Variants in FREM1 observed in about 807,000 individuals in gnomAD.
The protein encoded by FREM1 is FRAS1-related extracellular matrix protein 1.
A neutral mutation model predicts 210.1 loss-of-function variants in FREM1; 220 were observed. The observed-to-expected ratio is 1.05, with a 90% confidence interval of 0.94 to 1.17. FREM1 has a LOEUF of 1.17. Ranked by LOEUF, FREM1 falls within the 50% of genes most tolerant of loss-of-function variation. FREM1 has a pLI of 0.00. For synonymous variants in FREM1, 1,189 were observed against 980.2 expected (o/e 1.21, Z -3.98); for missense variants, 3,454 against 2,675.5 (o/e 1.29, Z -6.42).
At chr9:14,871,897 T>C (rs377372306) in intron 1 of FREM1, among the ~76,000 whole-genome samples, 1 of 152,158 alleles carries the variant, frequency 6.6e-6, no homozygotes, top group Non-Finnish European at 1.5e-5. Flanking sequence ...GCCAGTTTTC[T>C]CAGCACCATT....
chr9:14,794,675 A>G (rs1852019175), intron 21 of FREM1, among the ~76,000 whole-genome samples: 2 of 152,192 alleles, frequency 1.3e-5, no homozygotes, highest in Admixed American at 1.3e-4. Flanking sequence ...CGGGAAAGCC[A>G]AGAGTAACTT....
chr9:14,853,527 A>G (rs1306991297), intron 5 of FREM1, among the ~76,000 whole-genome samples: 4 of 152,220 alleles, frequency 2.6e-5, no homozygotes. Context: ...ACAAAGATGC[A>G]GCTTGAGACA....
At chr9:14,739,463 T>TATATATATATATATATATAAAATTC (rs58425457) in intron 36 of FREM1, among the ~76,000 whole-genome samples, 3 of 138,326 alleles carry the variant, frequency 2.2e-5, no homozygotes, top group African/African-American at 8.0e-5. Context: ...TATATATATA[T>TATATATATATATATATATAAAATTC]ATATATATAT....
At chr9:14,858,035 A>G (rs1469981442) in intron 4 of FREM1, among the ~76,000 whole-genome samples, 2 of 152,206 alleles carry the variant, frequency 1.3e-5, no homozygotes, top group Non-Finnish European at 2.9e-5. Context: ...TCTCTGACAA[A>G]TAGACCAGTG....
intron 22 of FREM1, among the ~76,000 whole-genome samples, chr9:14,791,816 A>AATGGT (rs1851374608): frequency 8.9e-6 from 1 of 112,802 alleles, no homozygotes; most frequent in African/African-American, 3.3e-5. Context: ...ATACTCAGAT[A>AATGGT]ATGGTTTGTT....
At chr9:14,765,169 G>C (rs1392321134) in intron 27 of FREM1, among the ~76,000 whole-genome samples, 3 of 152,158 alleles carry the variant, frequency 2.0e-5, no homozygotes, top group Non-Finnish European at 2.9e-5. Context: ...ATTTTTTCAA[G>C]TATCCAATCT....
chr9:14,764,566 T>G (rs1314545407), intron 27 of FREM1, among the ~76,000 whole-genome samples: 5 of 152,208 alleles, frequency 3.3e-5, no homozygotes, highest in African/African-American at 1.2e-4. Context: ...AAGGCATGCG[T>G]GTAATTCTTA....
chr9:14,774,421 GA>G (rs1417440498), intron 25 of FREM1, among the ~76,000 whole-genome samples: 1 of 152,006 alleles, frequency 6.6e-6, no homozygotes, highest in Non-Finnish European at 1.5e-5. Context: ...AACTCCTGCT[GA>G]AATTTGTAGC....
At position 14,903,049 on chromosome 9, in the gene FREM1, G is replaced by C. The variant is rs376359331; in HGVS notation, c.-268+6865C>G. ...CTTCTCTCACTGATAAATCACCCTC[G>C]AGTGACATTTTAATCACCAATCAGC... On this transcript the variant is annotated intron_variant, in intron 1 of 36. Transcript: ENST00000380880. Among the ~76,000 whole-genome samples, 12 of 152,262 alleles carry C rather than the reference G, an allele frequency of 7.9e-5. No individual in the cohort carries two copies. In the East Asian group the frequency reaches 1.2e-3, roughly 15 times the overall value.
intron 1 of FREM1, among the ~76,000 whole-genome samples, chr9:14,871,075 TC>T (rs1398758123): frequency 6.6e-6 from 1 of 152,146 alleles, no homozygotes; most frequent in African/African-American, 2.4e-5. Flanking sequence ...TTGGGTTGGT[TC>T]CAAGTCTTTG....
At chr9:14,741,148 AAATT>A (rs1841508223) in intron 35 of FREM1, among the ~76,000 whole-genome samples, 3 of 152,210 alleles carry the variant, frequency 2.0e-5, no homozygotes, top group Admixed American at 2.0e-4. Flanking sequence ...ACAAGGAAAA[AAATT>A]AAATCACCAT....
At chr9:14,817,820 C>G (rs1478335267) in intron 14 of FREM1, among the ~76,000 whole-genome samples, 1 of 152,164 alleles carries the variant, frequency 6.6e-6, no homozygotes, top group Admixed American at 6.5e-5. Flanking sequence ...CCCCACCCTC[C>G]ATGATCCTCT....
chr9:14,747,127 T>A, intron 33 of FREM1, 76 bp from the exon 34 acceptor site: 14 of 1,599,858 alleles, frequency 8.8e-6, no homozygotes, highest in Non-Finnish European at 1.2e-5. Flanking sequence ...CTCCTTTGGG[T>A]CTTCATTTGT....
rs58017285 is a variant in FREM1, at chr9:14,780,433, G to GAAAAAAAAAAAAAAAAAAAAAAAAAAAAA, written c.4442+3936_4442+3937insTTTTTTTTTTTTTTTTTTTTTTTTTTTTT. On this transcript the variant is annotated intron_variant, in intron 24 of 36. Coordinates refer to ENST00000380880, the MANE Select transcript of FREM1 (RefSeq NM_001379081.2). ...AATCATAAATAGCGCCAGCTCCTCA[G>GAAAAAAAAAAAAAAAAAAAAAAAAAAAAA]AAAAAAAAAAAAAAAAAGTCCAGCC... Among the ~76,000 whole-genome samples, 6 of 81,546 alleles carry GAAAAAAAAAAAAAAAAAAAAAAAAAAAAA rather than the reference G, an allele frequency of 7.4e-5. 1 individual carries two copies. The highest frequency in any genetic ancestry group is 1.4e-4 in the Admixed American group (1 of 7,134). The allele number at this position is 81,546 out of a possible 152,430, so 53.5% of individuals were successfully genotyped here.
At position 14,846,017 on chromosome 9, in the gene FREM1, C is replaced by A; in HGVS notation, c.1336G>T (p.Gly446Cys). ...QFQVVDNDDI[G>C]AVRLVTVGGL... Reference sequence around the variant, plus strand: ...CCAACGGTGACTAGCCGGACAGCACCAATGTCGTCATTGTCGACAACCTGA... The same window carrying A: ...CCAACGGTGACTAGCCGGACAGCACAAATGTCGTCATTGTCGACAACCTGA... The change falls in exon 8 of 37, where the codon GGT becomes TGT. Residue 446 changes from glycine to cysteine, a missense_variant. Coordinates refer to ENST00000380880, the MANE Select transcript of FREM1 (RefSeq NM_001379081.2). The A allele has an allele frequency of 6.2e-7, 1 of 1,612,370 alleles. No individual in the cohort carries two copies. Among genetic ancestry groups the A allele is most frequent in the Non-Finnish European group, 8.5e-7 (1 of 1,179,160 alleles).
rs1824687189 is a variant in FREM1, at chr9:14,836,746, C to A, written c.1881+4701G>T. Among the ~76,000 whole-genome samples, 2 of 152,134 alleles carry A rather than the reference C, an allele frequency of 1.3e-5. No individual in the cohort carries two copies. Among genetic ancestry groups the A allele is most frequent in the Non-Finnish European group, 1.5e-5 (1 of 68,028 alleles). On this transcript the variant is annotated intron_variant, in intron 10 of 36. Coordinates refer to ENST00000380880, the MANE Select transcript of FREM1 (RefSeq NM_001379081.2). The surrounding 1 kb of genome is among the most constrained non-coding windows in gnomAD (Gnocchi z 4.9). ...GTGGACATGCCATTCTTCCGAGGACCCTTAAATCAATCCCAGGAGGAGCCC... is the reference window on the plus strand; with the variant it reads ...GTGGACATGCCATTCTTCCGAGGACACTTAAATCAATCCCAGGAGGAGCCC...
At chr9:14,892,944 G>T (rs550012767) in intron 1 of FREM1, among the ~76,000 whole-genome samples, 1 of 152,188 alleles carries the variant, frequency 6.6e-6, no homozygotes, top group South Asian at 2.1e-4. Flanking sequence ...CAATGGCAGG[G>T]TCCAGCCGGG....
chr9:14,849,924 G>T (rs761165222), intron 6 of FREM1, among the ~76,000 whole-genome samples: 2 of 152,204 alleles, frequency 1.3e-5, no homozygotes, highest in African/African-American at 4.8e-5. Flanking sequence ...GAAGGCATGG[G>T]GGGCCACAGA....
chr9:14,857,226 G>A (rs1259788131), intron 5 of FREM1, among the ~76,000 whole-genome samples: 1 of 152,114 alleles, frequency 6.6e-6, no homozygotes, highest in Non-Finnish European at 1.5e-5. Context: ...AAGAGAAGGT[G>A]TTATAAAAGG....
Sources: gnomAD v4.1 joint callset for allele counts (sites outside exome capture counted in the v4.1 genomes callset) on GRCh38, gnomAD v4.1.1 for gene constraint, Gnocchi (gnomAD v3.1) non-coding constraint, MANE v1.5 for transcripts, NCBI Gene and HGNC (gene_info 2026-07-23, HGNC 2026-07-21) for gene names.